The following ACACA variants were observed in gnomAD, a reference collection of about 807,000 sequenced individuals.
ACACA encodes the protein acetyl-CoA carboxylase 1.
A neutral mutation model predicts 296.1 loss-of-function variants in ACACA; 103 were observed. The ratio of observed to expected loss-of-function variants is 0.35; its 90% CI spans 0.30 to 0.41. The LOEUF (loss-of-function observed/expected upper bound fraction) is 0.41. Ranked by LOEUF, ACACA falls within the 10% of genes least tolerant of loss-of-function variation. The pLI is 1.00. For missense variants in ACACA, 1,554 were observed against 2,989.7 expected, an observed-to-expected ratio of 0.52 and a Z score of 11.20; for synonymous variants, 953 against 1,038.6, an observed-to-expected ratio of 0.92 and a Z score of 1.58.
intron 44 of ACACA, among the ~76,000 whole-genome samples, chr17:37,150,268 G>A (rs370995675): frequency 1.1e-4 from 16 of 151,948 alleles, no homozygotes; most frequent in African/African-American, 3.6e-4. Flanking sequence ...GGGGCCGGGC[G>A]AGGCAGCTCA....
At chr17:37,226,607 G>A (rs2079555426) in intron 25 of ACACA, among the ~76,000 whole-genome samples, 155 bp from the exon 26 acceptor site, 1 of 152,156 alleles carries the variant, frequency 6.6e-6, no homozygotes, top group African/African-American at 2.4e-5. Context: ...AAACAATGTG[G>A]TAAAGAAGAT....
At chr17:37,336,962 AT>A (rs1359117853) in intron 2 of ACACA, among the ~76,000 whole-genome samples, 1 of 152,188 alleles carries the variant, frequency 6.6e-6, no homozygotes, top group Non-Finnish European at 1.5e-5. Context: ...GACAAACAGC[AT>A]TTATAAATGC....
chr17:37,104,060 GGAA>G (rs748175016), intron 52 of ACACA, among the ~76,000 whole-genome samples: 9 of 152,208 alleles, frequency 5.9e-5, no homozygotes, highest in Middle Eastern at 3.4e-3. Context: ...GGGCCACATT[GGAA>G]GAAGAAGAAT....
At chr17:37,317,992 T>A (rs1355433938) in intron 3 of ACACA, among the ~76,000 whole-genome samples, 2 of 152,022 alleles carry the variant, frequency 1.3e-5, no homozygotes, top group Admixed American at 1.3e-4. Context: ...ACTGGGAACC[T>A]CAGAATATCA....
intron 45 of ACACA, chr17:37,143,974 T>C (rs2075709851): frequency 1.1e-6 from 1 of 893,848 alleles, no homozygotes; most frequent in Non-Finnish European, 1.9e-6. Context: ...TGGGCGATAC[T>C]CAGAATACAA....
intron 3 of ACACA, among the ~76,000 whole-genome samples, chr17:37,291,716 C>T (rs192503266): frequency 6.6e-6 from 1 of 152,234 alleles, no homozygotes; most frequent in East Asian, 1.9e-4. Flanking sequence ...AAATACATGC[C>T]AGTCATACTA....
intron 18 of ACACA, among the ~76,000 whole-genome samples, chr17:37,247,448 A>G (rs1482435464): frequency 1.3e-5 from 2 of 149,616 alleles, no homozygotes; most frequent in East Asian, 3.9e-4. Flanking sequence ...GCTCACCGCA[A>G]CCTCCACCTC....
chr17:37,363,188 T>C (rs1362703365), intron 1 of ACACA, among the ~76,000 whole-genome samples: 8 of 126,114 alleles, frequency 6.3e-5, no homozygotes, highest in Non-Finnish European at 1.0e-4. Flanking sequence ...TCTTTTTTTT[T>C]TTTTTTTTTT....
chr17:37,193,893 A>C (rs557853037), intron 35 of ACACA, among the ~76,000 whole-genome samples: 1 of 152,340 alleles, frequency 6.6e-6, no homozygotes, highest in East Asian at 1.9e-4. Flanking sequence ...CAAGTCAATA[A>C]TGTCAAGGGT....
At chr17:37,396,600 G>C (rs984087048) in intron 1 of ACACA, among the ~76,000 whole-genome samples, 5 of 152,004 alleles carry the variant, frequency 3.3e-5, no homozygotes, top group Non-Finnish European at 5.9e-5. Context: ...TAATATTTTG[G>C]ATGCTTTCTA....
chr17:37,141,385 AGG>A, intron 45 of ACACA: 2 of 337,638 alleles, frequency 5.9e-6, no homozygotes, highest in South Asian at 2.8e-5. Flanking sequence ...CCACTGCCAA[AGG>A]TTCCACGGTT....
At chr17:37,200,569 G>T in intron 33 of ACACA, 86 bp from the exon 34 acceptor site, 1 of 1,272,478 alleles carries the variant, frequency 7.9e-7, no homozygotes, top group Non-Finnish European at 1.1e-6. Context: ...GTAAGGCTTT[G>T]GTGGAGTTAA....
At chr17:37,219,740 A>T (rs1041521650) in intron 29 of ACACA, among the ~76,000 whole-genome samples, 1 of 149,098 alleles carries the variant, frequency 6.7e-6, no homozygotes, top group Non-Finnish European at 1.5e-5. Flanking sequence ...TATATTATGT[A>T]TATAATCTTA....
intron 49 of ACACA, 58 bp from the exon 50 acceptor site, chr17:37,121,548 T>G: frequency 6.3e-6 from 10 of 1,598,832 alleles, no homozygotes; most frequent in South Asian, 1.1e-5. Flanking sequence ...GGGAAATCTC[T>G]CCAAGGTGAA....
rs575394890 is a variant in ACACA, at chr17:37,274,047, G to A, written c.1008+146C>T. 58 of 722,036 alleles carry A rather than the reference G, an allele frequency of 8.0e-5. 1 individual carries two copies. The highest frequency in any genetic ancestry group is 2.3e-4 in the Middle Eastern group (1 of 4,296). 44.7% of individuals were successfully genotyped at this position (722,036 alleles called of 1,614,324 possible). A position where few individuals can be genotyped will look rare whatever the true frequency, so the allele number is the denominator to read the frequency against. ...TTATGCAATCTAAAGAGAAACCAGCGTATTCTATACTTTCAAACTACACCT... is the reference window on the plus strand; with the variant it reads ...TTATGCAATCTAAAGAGAAACCAGCATATTCTATACTTTCAAACTACACCT... On this transcript the variant is annotated intron_variant, in intron 9 of 55. Transcript: ENST00000616317.
chr17:37,318,262 G>A (rs2047186160), intron 3 of ACACA, among the ~76,000 whole-genome samples: 1 of 152,102 alleles, frequency 6.6e-6, no homozygotes, highest in South Asian at 2.1e-4. Context: ...TTTTGAGATG[G>A]AGTCTTGCTC....
At chr17:37,254,201 T>C (rs2081123330) in intron 14 of ACACA, among the ~76,000 whole-genome samples, 1 of 152,190 alleles carries the variant, frequency 6.6e-6, no homozygotes, top group African/African-American at 2.4e-5. Flanking sequence ...ACAGAATACT[T>C]ACACAAAGTT....
At chr17:37,124,605 TG>T (rs1450649934) in intron 48 of ACACA, among the ~76,000 whole-genome samples, 3 of 152,144 alleles carry the variant, frequency 2.0e-5, no homozygotes, top group Non-Finnish European at 4.4e-5. Context: ...AGCTCCCCAC[TG>T]GGAATTTTAC....
chr17:37,273,684 G>A (rs1260846834), intron 9 of ACACA, among the ~76,000 whole-genome samples: 6 of 152,206 alleles, frequency 3.9e-5, no homozygotes, highest in Admixed American at 3.9e-4. Flanking sequence ...GGGTGAGTGA[G>A]CCTGCTTAAC....
Sources: allele counts gnomAD v4.1 joint callset (sites outside exome capture counted in the v4.1 genomes callset), GRCh38; gene constraint gnomAD v4.1.1; transcripts MANE v1.5; gene names NCBI Gene and HGNC (gene_info 2026-07-23, HGNC 2026-07-21).